FAAP20: variants seen among roughly 807,000 people sequenced by gnomAD.
FAAP20 encodes FA core complex associated protein 20, also known as Fanconi anemia core complex-associated protein 20.
FAAP20 carries 12 observed loss-of-function variants against 16.2 expected under a neutral mutation model. That is an observed-to-expected ratio of 0.74 (90% CI 0.48 to 1.20). The LOEUF (loss-of-function observed/expected upper bound fraction) is 1.20. FAAP20 is among the 50% of genes most tolerant of loss of function. The probability of loss-of-function intolerance (pLI) is 0.00; values close to 1 mark genes in which losing one functional copy is unlikely to be tolerated. For synonymous variants in FAAP20, 141 were observed against 110.7 expected, an observed-to-expected ratio of 1.27 and a Z score of -1.72; for missense variants, 288 against 245.8, an observed-to-expected ratio of 1.17 and a Z score of -1.15.
chr1:2,210,656 A>G (rs1021810888), downstream of FAAP20, among the ~76,000 whole-genome samples: 1 of 152,202 alleles, frequency 6.6e-6, no homozygotes, highest in Non-Finnish European at 1.5e-5. Flanking sequence ...TTTGCAAGAC[A>G]CTGCCAAGAC....
chr1:2,198,167 T>G (rs772160238), upstream of FAAP20: 6 of 1,288,650 alleles, frequency 4.7e-6, no homozygotes, highest in South Asian at 7.4e-5. Context: ...AATTTCTGGT[T>G]GGGACTGACA....
chr1:2,201,112 G>A (rs1237110994), upstream of FAAP20: 13 of 1,287,698 alleles, frequency 1.0e-5, no homozygotes, highest in Middle Eastern at 5.4e-4. Flanking sequence ...CTGTGCAGCC[G>A]GCTGTGAACT....
At chr1:2,197,083 G>A (rs1025134900), upstream of FAAP20, among the ~76,000 whole-genome samples, 2 of 152,158 alleles carry the variant, frequency 1.3e-5, no homozygotes, top group Non-Finnish European at 2.9e-5. Flanking sequence ...TGGGCTCCGA[G>A]CCCCCTGGGA....
intron 3 of FAAP20, chr1:2,190,392 TGGCAGGAGA>T (rs1302168222): frequency 2.2e-6 from 1 of 449,974 alleles, no homozygotes; most frequent in African/African-American, 2.0e-5. Context: ...CAGGCAGGGG[TGGCAGGAGA>T]AAACCCATCC....
upstream of FAAP20, among the ~76,000 whole-genome samples, chr1:2,201,801 A>C (rs561075407): frequency 2.0e-3 from 307 of 152,144 alleles, 3 homozygotes; most frequent in African/African-American, 7.1e-3. Context: ...GCGGATCACG[A>C]AGTCAGGAGC....
At chr1:2,185,022 C>T (rs752056459), downstream of FAAP20, 18 of 1,604,576 alleles carry the variant, frequency 1.1e-5, no homozygotes, top group East Asian at 3.4e-4. Flanking sequence ...CCGCGTGCGT[C>T]TCTGTCGTGG....
intron 3 of FAAP20, chr1:2,192,704 C>T (rs1688372026): frequency 8.4e-7 from 1 of 1,185,412 alleles, no homozygotes; most frequent in Admixed American, 3.1e-5. Context: ...GCCTCCAATT[C>T]CTGGCTCAAG....
At position 2,193,709 on chromosome 1, in the gene FAAP20, G is replaced by T. The variant is rs1453460235; in HGVS notation, c.400C>A (p.Gln134Lys). ...GCGGCACCCTCCACAGACGGCTGCT[G>T]CTCCACCCTGGGGGCCCTGCAGGGA... The part of the protein sequence containing the change: ...PDPCRAPRVE[Q>K]QPSVEGAAAL... The change falls in exon 3 of 4, where the codon CAG becomes AAG. Residue 134 changes from glutamine to lysine, a missense_variant. Gln to Lys is a moderately conservative substitution (Grantham distance 53). Transcript: ENST00000378546. 6.3e-7 allele frequency: 1 copy of T among 1,592,966 alleles called. No homozygotes were observed. Among genetic ancestry groups the T allele is most frequent in the Non-Finnish European group, 8.5e-7 (1 of 1,173,322 alleles).
chr1:2,192,295 C>T, intron 3 of FAAP20: 1 of 986,516 alleles, frequency 1.0e-6, no homozygotes, highest in Non-Finnish European at 1.2e-6. Context: ...TCCAAAGTAC[C>T]GGCTCTCCCT....
At chr1:2,194,806 C>A, upstream of FAAP20, 1 of 1,075,096 alleles carries the variant, frequency 9.3e-7, no homozygotes, top group Non-Finnish European at 1.1e-6. Flanking sequence ...CTCCAGGCCC[C>A]GCCCCCGCCC....
chr1:2,185,598 C>G (rs770735170), downstream of FAAP20: 4 of 691,180 alleles, frequency 5.8e-6, no homozygotes, highest in Non-Finnish European at 1.1e-5. Flanking sequence ...GTGTCCCAGC[C>G]GCTGTGGTCT....
upstream of FAAP20, chr1:2,199,169 C>CTGTGT (rs1688942992): frequency 1.7e-6 from 2 of 1,179,980 alleles, no homozygotes; most frequent in Non-Finnish European, 2.1e-6. This position sits in a 1 kb window ranked among gnomAD's most constrained non-coding sequence, Gnocchi z 4.5. Context: ...CCATCCCAGC[C>CTGTGT]ATGGCCTGTG....
downstream of FAAP20, chr1:2,187,137 CG>C (rs1354484449): frequency 2.1e-6 from 1 of 468,694 alleles, no homozygotes; most frequent in Non-Finnish European, 4.4e-6. Flanking sequence ...CGTGGCTGGC[CG>C]GCTCTCCTGT....
downstream of FAAP20, among the ~76,000 whole-genome samples, chr1:2,209,515 C>T (rs1418331083): frequency 6.6e-6 from 1 of 152,238 alleles, no homozygotes; most frequent in Non-Finnish European, 1.5e-5. Flanking sequence ...TCCACACTCA[C>T]CCACCCAGCG....
downstream of FAAP20, among the ~76,000 whole-genome samples, chr1:2,210,913 C>T (rs962253485): frequency 2.6e-5 from 4 of 152,214 alleles, no homozygotes; most frequent in Non-Finnish European, 5.9e-5. Flanking sequence ...GCGATTGCTG[C>T]GGGGGACCTG....
downstream of FAAP20, chr1:2,184,484 C>G: frequency 1.2e-6 from 1 of 821,812 alleles, no homozygotes; most frequent in Admixed American, 2.6e-5. Flanking sequence ...TGCTGACTTT[C>G]TCACTGTTTC....
intron 3 of FAAP20, chr1:2,190,380 G>A: frequency 2.2e-6 from 1 of 450,942 alleles, no homozygotes; most frequent in Non-Finnish European, 4.5e-6. Flanking sequence ...ATGGTGGCCG[G>A]CCAGGCAGGG....
In FAAP20 at chr1:2,194,717, C is replaced by T; in HGVS notation, c.33G>A (p.Leu11=). ...CCGCCGGGCGCGGCCTCCGGCGGCT[C>T]AACCCCAGCCGCGGCCTCCGCGCCG... is the stretch of plus-strand genomic sequence containing the variant. MEAARRPRLG[L]SRRRPRPAGG... is the part of the protein sequence containing the mutation. The change falls in exon 1 of 4, where the codon TTG becomes TTA. Residue 11 remains leucine (L), a synonymous_variant. Transcript: ENST00000378546. 1 of 1,189,226 alleles carries T rather than the reference C, an allele frequency of 8.4e-7. No individual in the cohort carries two copies. 73.7% of individuals were successfully genotyped at this position (1,189,226 alleles called of 1,614,324 possible). A position where few individuals can be genotyped will look rare whatever the true frequency, so the allele number is the denominator to read the frequency against.
chr1:2,191,195 G>C (rs547406070), intron 3 of FAAP20: 7 of 152,496 alleles, frequency 4.6e-5, no homozygotes, highest in Admixed American at 3.9e-4. Flanking sequence ...TCCAGGCAGC[G>C]TCCCTTGTTT....
Sources: gnomAD v4.1 joint callset for allele counts (sites outside exome capture counted in the v4.1 genomes callset) on GRCh38, gnomAD v4.1.1 for gene constraint, Gnocchi (gnomAD v3.1) non-coding constraint, MANE v1.5 for transcripts, NCBI Gene and HGNC (gene_info 2026-07-23, HGNC 2026-07-21) for gene names.